Variants in SPIDR observed in about 807,000 individuals in gnomAD.
The protein encoded by SPIDR is scaffold protein involved in DNA repair, also known as DNA repair-scaffolding protein.
In SPIDR, 93 loss-of-function variants were observed where a neutral mutation model predicts 104.6. That is an observed-to-expected ratio of 0.89 (90% CI 0.75 to 1.06). The LOEUF is 1.06. Ranked by LOEUF, SPIDR falls within the 50% of genes least tolerant of loss-of-function variation. SPIDR has a pLI of 0.00. For synonymous variants in SPIDR, 431 were observed against 416.9 expected (o/e 1.03, Z -0.41); for missense variants, 1,154 against 1,111.2 (o/e 1.04, Z -0.55).
intron 8 of SPIDR, among the ~76,000 whole-genome samples, chr8:47,485,379 C>T (rs528201124): frequency 3.9e-5 from 6 of 152,224 alleles, no homozygotes; most frequent in East Asian, 1.9e-4. Context: ...GTGGAGCCCA[C>T]GACAGCTCAA....
chr8:47,518,691 C>T (rs2083525843), intron 8 of SPIDR, among the ~76,000 whole-genome samples: 1 of 151,108 alleles, frequency 6.6e-6, no homozygotes, highest in African/African-American at 2.4e-5. Flanking sequence ...GGCTGGAATG[C>T]AGTGGCGCAA....
intron 7 of SPIDR, among the ~76,000 whole-genome samples, chr8:47,424,059 G>T (rs1449220656): frequency 1.3e-5 from 2 of 152,052 alleles, no homozygotes; most frequent in Non-Finnish European, 2.9e-5. Context: ...AATATGGATG[G>T]GTACAGCCTT....
At chr8:47,729,127 A>C (rs1271760049) in intron 18 of SPIDR, 80 bp downstream of exon 18, 3 of 1,567,322 alleles carry the variant, frequency 1.9e-6, no homozygotes, top group Non-Finnish European at 2.6e-6. Flanking sequence ...AAGCAGGTGC[A>C]CGTCCTCCTG....
At chr8:47,547,473 C>G (rs577284561) in intron 8 of SPIDR, 1 of 211,078 alleles carries the variant, frequency 4.7e-6, no homozygotes, top group South Asian at 6.7e-5. Flanking sequence ...TGTCGCCAGG[C>G]TGGAATGCAG....
intron 4 of SPIDR, among the ~76,000 whole-genome samples, chr8:47,292,520 A>AT (rs1409014092): frequency 3.9e-5 from 6 of 152,218 alleles, no homozygotes; most frequent in African/African-American, 1.4e-4. Flanking sequence ...AAGTGCTGGG[A>AT]TTACACATGT....
At chr8:47,659,541 T>C (rs1040217707) in intron 10 of SPIDR, 4 of 159,698 alleles carry the variant, frequency 2.5e-5, no homozygotes, top group Non-Finnish European at 5.3e-5. Flanking sequence ...AATGTCCTGC[T>C]GTCTCTGGTT....
intron 5 of SPIDR, among the ~76,000 whole-genome samples, chr8:47,305,480 G>A (rs987435325): frequency 2.0e-5 from 3 of 151,926 alleles, no homozygotes; most frequent in Non-Finnish European, 4.4e-5. Flanking sequence ...TATCAGTAAG[G>A]GTAGAAAAAA....
intron 8 of SPIDR, among the ~76,000 whole-genome samples, chr8:47,531,486 T>G (rs950752828): frequency 2.0e-5 from 3 of 152,226 alleles, no homozygotes; most frequent in African/African-American, 7.2e-5. Context: ...ATCATAGATT[T>G]GCTTATAAGC....
chr8:47,329,513 A>G (rs1470358341), intron 5 of SPIDR, among the ~76,000 whole-genome samples: 2 of 152,072 alleles, frequency 1.3e-5, no homozygotes, highest in African/African-American at 4.8e-5. Context: ...AGCCTACAAT[A>G]TGTTTTTGAG....
chr8:47,291,720 G>A (rs1304125588), intron 4 of SPIDR, among the ~76,000 whole-genome samples: 3 of 152,148 alleles, frequency 2.0e-5, no homozygotes, highest in African/African-American at 4.8e-5. Context: ...TTAGGTCTCT[G>A]CTCCATAGCC....
At chr8:47,530,445 A>T (rs2085771310) in intron 8 of SPIDR, among the ~76,000 whole-genome samples, 1 of 152,192 alleles carries the variant, frequency 6.6e-6, no homozygotes, top group Non-Finnish European at 1.5e-5. Context: ...CTCTGTGTCA[A>T]ATACAAAACA....
At chr8:47,579,057 TAGAGTA>T (rs2059437270) in intron 8 of SPIDR, among the ~76,000 whole-genome samples, 1 of 152,244 alleles carries the variant, frequency 6.6e-6, no homozygotes, top group Non-Finnish European at 1.5e-5. Flanking sequence ...AAAGTTTTAT[TAGAGTA>T]AATCTGATTT....
At chr8:47,469,938 G>A (rs1212639380) in intron 8 of SPIDR, among the ~76,000 whole-genome samples, 1 of 152,234 alleles carries the variant, frequency 6.6e-6, no homozygotes, top group East Asian at 1.9e-4. Flanking sequence ...AGGACATCCC[G>A]TGTTCATGAA....
At chr8:47,447,030 T>A (rs1286099671) in intron 8 of SPIDR, among the ~76,000 whole-genome samples, 1 of 152,162 alleles carries the variant, frequency 6.6e-6, no homozygotes, top group Admixed American at 6.5e-5. Flanking sequence ...ATTCCAACCC[T>A]CTTCAGTGAC....
At chr8:47,585,107 C>A (rs952933093) in intron 8 of SPIDR, among the ~76,000 whole-genome samples, 3 of 152,066 alleles carry the variant, frequency 2.0e-5, no homozygotes, top group African/African-American at 7.3e-5. Context: ...GGAGTATAAG[C>A]TTTACGTATA....
intron 10 of SPIDR, among the ~76,000 whole-genome samples, chr8:47,606,979 C>T (rs558719414): frequency 6.6e-6 from 1 of 152,202 alleles, no homozygotes. Flanking sequence ...ACACAGGGGA[C>T]CATTTCACCT....
At chr8:47,654,672 A>C (rs1279294758) in intron 10 of SPIDR, among the ~76,000 whole-genome samples, 1 of 151,492 alleles carries the variant, frequency 6.6e-6, no homozygotes, top group East Asian at 1.9e-4. Context: ...TTCTTTCTTA[A>C]AGACCTACAC....
chr8:47,363,320 C>A (rs2154290705), intron 5 of SPIDR, among the ~76,000 whole-genome samples: 1 of 148,088 alleles, frequency 6.8e-6, no homozygotes, highest in Admixed American at 6.7e-5. Context: ...ATTCTCCTGC[C>A]TCAGCCTCCC....
At chr8:47,491,561 C>G (rs1554739606) in intron 8 of SPIDR, among the ~76,000 whole-genome samples, 1 of 151,932 alleles carries the variant, frequency 6.6e-6, no homozygotes, top group Non-Finnish European at 1.5e-5. Context: ...AGAGCAGCTA[C>G]CTGAGGTAGC....
Sources: allele counts gnomAD v4.1 joint callset (sites outside exome capture counted in the v4.1 genomes callset), GRCh38; gene constraint gnomAD v4.1.1; transcripts MANE v1.5; gene names NCBI Gene and HGNC (gene_info 2026-07-23, HGNC 2026-07-21).